UBE2D2: variants seen among roughly 807,000 people sequenced by gnomAD.
The protein encoded by UBE2D2 is ubiquitin-conjugating enzyme E2 D2.
In UBE2D2, 2 loss-of-function variants were observed where a neutral mutation model predicts 24.2. That is an observed-to-expected ratio of 0.08 (90% CI 0.03 to 0.26). UBE2D2 has a LOEUF of 0.26. UBE2D2 is among the 10% of genes least tolerant of loss of function. The pLI is 1.00. For missense variants in UBE2D2, 44 were observed against 177.6 expected (o/e 0.25, Z 4.28); for synonymous variants, 58 against 56.5 (o/e 1.03, Z -0.12).
intron 1 of UBE2D2, among the ~76,000 whole-genome samples, chr5:139,584,788 C>T (rs923320149): frequency 6.6e-6 from 1 of 152,016 alleles, no homozygotes; most frequent in Non-Finnish European, 1.5e-5. Flanking sequence ...CTGCCTCGGC[C>T]TCCCAAAGTG....
At chr5:139,615,069 T>C (rs1021412238) in intron 5 of UBE2D2, 103 bp downstream of exon 5, 5 of 1,148,410 alleles carry the variant, frequency 4.4e-6, no homozygotes, top group East Asian at 2.5e-5. Context: ...TAAGAAGAGA[T>C]AGCAATTCTT....
At chr5:139,604,621 A>T (rs966767000) in intron 2 of UBE2D2, among the ~76,000 whole-genome samples, 1 of 152,218 alleles carries the variant, frequency 6.6e-6, no homozygotes, top group Non-Finnish European at 1.5e-5. Flanking sequence ...ACAGTGGCTC[A>T]TGCCTGTAAT....
intron 1 of UBE2D2, among the ~76,000 whole-genome samples, chr5:139,576,869 C>T (rs1753481648): frequency 6.8e-6 from 1 of 147,096 alleles, no homozygotes; most frequent in Non-Finnish European, 1.5e-5. Flanking sequence ...AAGGGAGCCA[C>T]AAAAATCTCT....
chr5:139,623,618 T>G (rs1390447490), intron 6 of UBE2D2, 157 bp downstream of exon 6: 7 of 498,416 alleles, frequency 1.4e-5, no homozygotes, highest in Non-Finnish European at 2.2e-5. Flanking sequence ...GCATTGAGTA[T>G]TATTATAAGT....
intron 1 of UBE2D2, 162 bp downstream of exon 1, chr5:139,561,977 G>C: frequency 9.5e-7 from 1 of 1,049,892 alleles, no homozygotes; most frequent in South Asian, 1.9e-5. Flanking sequence ...TGGCGCCCGT[G>C]GAGGCCCCGG....
intron 1 of UBE2D2, among the ~76,000 whole-genome samples, chr5:139,577,222 T>C (rs991762254): frequency 6.6e-6 from 1 of 152,082 alleles, no homozygotes; most frequent in Non-Finnish European, 1.5e-5. Context: ...ATGAAAAGTA[T>C]TACTTTTAAG....
At chr5:139,554,398 C>G (rs78106738) in intron 1 of UBE2D2, among the ~76,000 whole-genome samples, 1 of 152,152 alleles carries the variant, frequency 6.6e-6, no homozygotes, top group Non-Finnish European at 1.5e-5. Context: ...AACAAAAATT[C>G]GTTTTGTCTG....
chr5:139,535,879 A>G (rs1442480313), intron 1 of UBE2D2, among the ~76,000 whole-genome samples: 4 of 151,830 alleles, frequency 2.6e-5, no homozygotes, highest in Non-Finnish European at 4.4e-5. Flanking sequence ...TAATACTTCC[A>G]CTTGTTTACA....
At chr5:139,562,345 C>G (rs768814490) in intron 1 of UBE2D2, 33 of 1,342,264 alleles carry the variant, frequency 2.5e-5, no homozygotes, top group Non-Finnish European at 3.0e-5. Flanking sequence ...TGGCAGCACA[C>G]ATCGGTCCAC....
chr5:139,562,140 G>T, intron 1 of UBE2D2: 1 of 1,232,104 alleles, frequency 8.1e-7, no homozygotes, highest in South Asian at 1.5e-5. Context: ...CAGGATGGCG[G>T]GGTTGGGGCC....
intron 1 of UBE2D2, among the ~76,000 whole-genome samples, chr5:139,595,633 C>A (rs535924340): frequency 5.3e-5 from 8 of 151,934 alleles, no homozygotes; most frequent in Non-Finnish European, 1.2e-4. Context: ...TGTGCCCAGC[C>A]ATGATGACAA....
chr5:139,613,499 T>C (rs943312999), intron 2 of UBE2D2, among the ~76,000 whole-genome samples: 1 of 152,216 alleles, frequency 6.6e-6, no homozygotes, highest in African/African-American at 2.4e-5. Context: ...TTGGAAGATA[T>C]TTATTTATTG....
chr5:139,553,435 T>C (rs1752945705), intron 1 of UBE2D2, among the ~76,000 whole-genome samples: 1 of 152,172 alleles, frequency 6.6e-6, no homozygotes, highest in Admixed American at 6.6e-5. Flanking sequence ...GTCCTTATCA[T>C]TTAATCTCCA....
chr5:139,553,638 G>A (rs1752946863), intron 1 of UBE2D2, among the ~76,000 whole-genome samples: 2 of 152,084 alleles, frequency 1.3e-5, no homozygotes, highest in African/African-American at 4.8e-5. Context: ...TGAGTGGGAA[G>A]AAAAATGACC....
chr5:139,597,741 G>A (rs1233193101), intron 1 of UBE2D2, among the ~76,000 whole-genome samples: 1 of 152,134 alleles, frequency 6.6e-6, no homozygotes, highest in Non-Finnish European at 1.5e-5. Flanking sequence ...ATACCAACCT[G>A]TGCTGTCAGT....
chr5:139,582,709 C>A (rs1479307403), intron 1 of UBE2D2, among the ~76,000 whole-genome samples: 1 of 128,780 alleles, frequency 7.8e-6, no homozygotes, highest in Admixed American at 8.9e-5. Flanking sequence ...CTTGCTCTGT[C>A]GCCCAGGCTG....
chr5:139,592,255 A>T (rs1753860808), intron 1 of UBE2D2, among the ~76,000 whole-genome samples: 2 of 152,110 alleles, frequency 1.3e-5, no homozygotes, highest in South Asian at 4.1e-4. Context: ...TTGGCCTTCT[A>T]AGTCTCATCT....
upstream of UBE2D2, among the ~76,000 whole-genome samples, chr5:139,556,510 G>A (rs1376521079): frequency 6.6e-6 from 1 of 152,026 alleles, no homozygotes; most frequent in African/African-American, 2.4e-5. Context: ...ATAGAAAATG[G>A]ATTGAACAAC....
At chr5:139,605,898 C>T (rs952532358) in intron 2 of UBE2D2, among the ~76,000 whole-genome samples, 1 of 150,846 alleles carries the variant, frequency 6.6e-6, no homozygotes, top group African/African-American at 2.4e-5. Context: ...GCCCCTACAC[C>T]CCTGGCTAAT....
Sources: gnomAD v4.1 joint callset for allele counts (sites outside exome capture counted in the v4.1 genomes callset) on GRCh38, gnomAD v4.1.1 for gene constraint, MANE v1.5 for transcripts, NCBI Gene and HGNC (gene_info 2026-07-23, HGNC 2026-07-21) for gene names.